The following EIF3H variants were observed in gnomAD, a reference collection of about 807,000 sequenced individuals.
The protein encoded by EIF3H is eIF-3-gamma.
A neutral mutation model predicts 44.2 loss-of-function variants in EIF3H; 26 were observed. The ratio of observed to expected loss-of-function variants is 0.59; its 90% CI spans 0.43 to 0.82. EIF3H has a LOEUF of 0.82. Ranked by LOEUF, EIF3H falls within the 40% of genes least tolerant of loss-of-function variation. The pLI is 0.00. For missense variants in EIF3H, 359 were observed against 432.8 expected, an observed-to-expected ratio of 0.83 and a Z score of 1.51; for synonymous variants, 166 against 151.9, an observed-to-expected ratio of 1.09 and a Z score of -0.68.
intron 1 of EIF3H, among the ~76,000 whole-genome samples, chr8:116,740,411 T>C (rs967900820): frequency 1.3e-5 from 2 of 152,122 alleles, no homozygotes; most frequent in Non-Finnish European, 2.9e-5. Flanking sequence ...CTACAGGAGA[T>C]GACAGGCATA....
At chr8:116,668,806 C>G (rs1176616896) in intron 2 of EIF3H, among the ~76,000 whole-genome samples, 1 of 152,148 alleles carries the variant, frequency 6.6e-6, no homozygotes. Flanking sequence ...TCATTTGCAT[C>G]AAAAGCTTGG....
chr8:116,659,414 T>C (rs1813547463), intron 2 of EIF3H, among the ~76,000 whole-genome samples: 1 of 152,180 alleles, frequency 6.6e-6, no homozygotes, highest in African/African-American at 2.4e-5. Context: ...CTTTTAGAGC[T>C]GAGAAACTAA....
intron 1 of EIF3H, among the ~76,000 whole-genome samples, chr8:116,762,777 T>C (rs1319343414): frequency 1.3e-5 from 2 of 152,042 alleles, no homozygotes; most frequent in Non-Finnish European, 2.9e-5. Flanking sequence ...ACCCGGTCCC[T>C]ACTTAAATAT....
Position 116,644,118 on chromosome 8 carries a change from G to A in EIF3H, c.*888C>T, listed in dbSNP as rs1340520837. The A allele has an allele frequency of 6.6e-6, 1 of 152,236 alleles. No individual in the cohort carries two copies. Among genetic ancestry groups the A allele is most frequent in the Admixed American group, 6.5e-5 (1 of 15,284 alleles). The allele number at this position is 152,236 out of a possible 1,614,324, so 9.4% of individuals were successfully genotyped here. A position where few individuals can be genotyped will look rare whatever the true frequency, so the allele number is the denominator to read the frequency against. ...AAATTTCTGTGGCCTGTCCAGGAGTGGTGGCTCATGCCTGTATTCCCAGCA... is the reference window on the plus strand; with the variant it reads ...AAATTTCTGTGGCCTGTCCAGGAGTAGTGGCTCATGCCTGTATTCCCAGCA... On this transcript the variant is annotated 3_prime_UTR_variant, in exon 8 of 8. Coordinates refer to ENST00000521861, the MANE Select transcript of EIF3H (RefSeq NM_003756.3).
At chr8:116,749,720 C>T (rs1382071919) in intron 1 of EIF3H, among the ~76,000 whole-genome samples, 1 of 152,154 alleles carries the variant, frequency 6.6e-6, no homozygotes, top group East Asian at 1.9e-4. Context: ...ATCCACAAGA[C>T]TAGCTCTGAG....
At chr8:116,700,731 A>G (rs1806404261) in intron 2 of EIF3H, among the ~76,000 whole-genome samples, 2 of 152,224 alleles carry the variant, frequency 1.3e-5, no homozygotes, top group Admixed American at 1.3e-4. Context: ...AACTACTATG[A>G]AAGTTAAATT....
At chr8:116,702,945 G>A (rs571990756) in intron 2 of EIF3H, among the ~76,000 whole-genome samples, 22 of 152,226 alleles carry the variant, frequency 1.4e-4, no homozygotes, top group African/African-American at 5.1e-4. Flanking sequence ...TCAGGCATTA[G>A]ATTCTCATAA....
At chr8:116,702,741 C>A (rs1261784651) in intron 2 of EIF3H, among the ~76,000 whole-genome samples, 1 of 152,150 alleles carries the variant, frequency 6.6e-6, no homozygotes, top group Non-Finnish European at 1.5e-5. Context: ...AACAACAGTA[C>A]AGATATTTCC....
chr8:116,676,889 T>C (rs1276204220), intron 2 of EIF3H, among the ~76,000 whole-genome samples: 1 of 152,208 alleles, frequency 6.6e-6, no homozygotes, highest in Non-Finnish European at 1.5e-5. Flanking sequence ...TAAGCCACTG[T>C]GTCCCCAGCA....
chr8:116,742,925 T>C (rs1470370221), intron 1 of EIF3H, among the ~76,000 whole-genome samples: 2 of 152,208 alleles, frequency 1.3e-5, no homozygotes, highest in Admixed American at 6.5e-5. Flanking sequence ...GTTCCCATTT[T>C]CCTGTATAAA....
intron 1 of EIF3H, among the ~76,000 whole-genome samples, chr8:116,746,311 A>G (rs941618242): frequency 6.6e-6 from 1 of 152,210 alleles, no homozygotes; most frequent in Non-Finnish European, 1.5e-5. Context: ...CTTAACTTCT[A>G]TTTCCTCCAT....
rs868865674 is a variant in EIF3H, at chr8:116,743,839, T to C, written c.132+11827A>G. ...ACACACACACACACACACACACACA[T>C]ATATAAATAAGTTGGGAAATAAAGT... On this transcript the variant is annotated intron_variant, in intron 1 of 7. Transcript: ENST00000521861. 4.3e-4 allele frequency among the ~76,000 whole-genome samples: 59 copies of C among 136,148 alleles called. No homozygotes were observed. In the Middle Eastern group the frequency reaches 0.012, roughly 27 times the overall value. The allele number at this position is 136,148 out of a possible 152,430, so 89.3% of individuals were successfully genotyped here. A position where few individuals can be genotyped will look rare whatever the true frequency, so the allele number is the denominator to read the frequency against.
Position 116,642,916 on chromosome 8 carries a change from C to T in EIF3H, c.*2090G>A, listed in dbSNP as rs1013964918. 1.3e-5 allele frequency: 2 copies of T among 152,144 alleles called. No homozygotes were observed. Among genetic ancestry groups the T allele is most frequent in the Admixed American group, 6.5e-5 (1 of 15,274 alleles). The allele number at this position is 152,144 out of a possible 1,614,324, so 9.4% of individuals were successfully genotyped here. On this transcript the variant is annotated 3_prime_UTR_variant, in exon 8 of 8. Coordinates refer to ENST00000521861, the MANE Select transcript of EIF3H (RefSeq NM_003756.3). ...TTTCATTAAGTGTGTATTCATGTTA[C>T]CAAGATATAGAAATCTAAACAATCA...
chr8:116,717,080 T>A (rs1814670699), intron 2 of EIF3H, among the ~76,000 whole-genome samples: 1 of 152,112 alleles, frequency 6.6e-6, no homozygotes, highest in South Asian at 2.1e-4. Flanking sequence ...CATACAGGAC[T>A]ATTCTAATAT....
upstream of EIF3H, chr8:116,755,856 C>A (rs1031160865): frequency 1.2e-5 from 19 of 1,599,902 alleles, no homozygotes; most frequent in Non-Finnish European, 1.6e-5. Flanking sequence ...AAGTACAAGT[C>A]TCGCGTGACG....
intron 2 of EIF3H, among the ~76,000 whole-genome samples, chr8:116,671,275 TA>T (rs2130817497): frequency 6.6e-6 from 1 of 152,332 alleles, no homozygotes; most frequent in African/African-American, 2.4e-5. Flanking sequence ...CCACTGATAC[TA>T]AGCTAGCAGT....
intron 2 of EIF3H, among the ~76,000 whole-genome samples, chr8:116,724,363 G>A (rs543494546): frequency 1.2e-3 from 176 of 152,086 alleles, no homozygotes; most frequent in Non-Finnish European, 2.2e-3. Flanking sequence ...AAAAACAGAG[G>A]AAAAAAGCTT....
At chr8:116,676,799 T>G (rs551741048) in intron 2 of EIF3H, among the ~76,000 whole-genome samples, 1 of 152,354 alleles carries the variant, frequency 6.6e-6, no homozygotes, top group Admixed American at 6.5e-5. Flanking sequence ...GTTTCTTCAC[T>G]TGGTGCACTA....
At chr8:116,756,667 T>A (rs906869975), upstream of EIF3H, among the ~76,000 whole-genome samples, 1 of 152,200 alleles carries the variant, frequency 6.6e-6, no homozygotes, top group Non-Finnish European at 1.5e-5. Context: ...TGCCCTGAAG[T>A]TTTTTGTTGT....
Sources: gnomAD v4.1 joint callset for allele counts (sites outside exome capture counted in the v4.1 genomes callset) on GRCh38, gnomAD v4.1.1 for gene constraint, MANE v1.5 for transcripts, NCBI Gene and HGNC (gene_info 2026-07-23, HGNC 2026-07-21) for gene names.